Variants in XKR9 observed in about 807,000 individuals in gnomAD.
XKR9 encodes XK-related protein 9.
XKR9 carries 32 observed loss-of-function variants against 32.0 expected under a neutral mutation model. The observed-to-expected ratio is 1.00, with a 90% CI of 0.76 to 1.34. The LOEUF is 1.34. Among genes scored for constraint, XKR9 ranks in the 40% most tolerant of loss-of-function variants. The pLI is 0.00. For synonymous variants in XKR9, 168 were observed against 143.4 expected (o/e 1.17, Z -1.22); for missense variants, 546 against 429.7 (o/e 1.27, Z -2.39).
At chr8:70,725,982 G>T (rs1485569716) in intron 4 of XKR9, among the ~76,000 whole-genome samples, 1 of 151,978 alleles carries the variant, frequency 6.6e-6, no homozygotes, top group African/African-American at 2.4e-5. Context: ...ACTACAAATG[G>T]ATTTTACATT....
At chr8:70,900,977 A>G in the XKR9 span, among the ~76,000 whole-genome samples, 15 of 152,174 alleles carry the variant, frequency 9.9e-5, no homozygotes, top group African/African-American at 3.1e-4. Context: ...GTCCCTACGA[A>G]GGACATGAAC....
At chr8:70,706,582 TC>T (rs2132175785) in intron 3 of XKR9, among the ~76,000 whole-genome samples, 1 of 152,266 alleles carries the variant, frequency 6.6e-6, no homozygotes, top group East Asian at 1.9e-4. Context: ...CCCCTTACTA[TC>T]TGTGTAACTT....
the XKR9 span, among the ~76,000 whole-genome samples, chr8:70,904,562 G>C: frequency 6.6e-6 from 1 of 152,208 alleles, no homozygotes. Context: ...GATGGGTCTT[G>C]ACTCTTTATC....
In XKR9 at chr8:70,699,967, G is replaced by A. The variant is rs1393739624; in HGVS notation, c.273-6966G>A. Among the ~76,000 whole-genome samples the A allele has an allele frequency of 2.6e-5, 4 of 152,138 alleles. No homozygotes were observed. The East Asian group carries it at 7.7e-4, about 29-fold the overall frequency. ...ATCACTGATACCCTTTCTTCCAGTTGATCGCATCAGCTCCTGAGTCTTCTG... is the reference window on the plus strand; with the variant it reads ...ATCACTGATACCCTTTCTTCCAGTTAATCGCATCAGCTCCTGAGTCTTCTG... On this transcript the variant is annotated intron_variant, in intron 3 of 4. Transcript: ENST00000408926.
chr8:71,050,278 TAG>T, the XKR9 span, among the ~76,000 whole-genome samples: 15 of 136,182 alleles, frequency 1.1e-4, no homozygotes, highest in Middle Eastern at 3.6e-3. Flanking sequence ...TAGATAGATA[TAG>T]ATATAGATAT....
chr8:70,673,004 C>T (rs1818767250), intron 1 of XKR9, among the ~76,000 whole-genome samples: 1 of 152,168 alleles, frequency 6.6e-6, no homozygotes, highest in African/African-American at 2.4e-5. Flanking sequence ...TTCTTCTGTT[C>T]AGCAGATGTC....
the XKR9 span, among the ~76,000 whole-genome samples, chr8:70,877,075 G>T: frequency 5.3e-5 from 8 of 152,134 alleles, no homozygotes; most frequent in Non-Finnish European, 7.4e-5. Context: ...GGCTGGGGAG[G>T]CCTCAGGAAA....
At chr8:70,962,747 C>G in the XKR9 span, among the ~76,000 whole-genome samples, 6 of 152,176 alleles carry the variant, frequency 3.9e-5, no homozygotes, top group African/African-American at 1.2e-4. Context: ...AAGTCACACA[C>G]AGTGATAGCT....
the XKR9 span, among the ~76,000 whole-genome samples, chr8:70,888,198 A>G: frequency 1.3e-5 from 2 of 151,822 alleles, no homozygotes; most frequent in African/African-American, 4.8e-5. Context: ...TCTCTTAGTG[A>G]TGTTGAGCAT....
chr8:70,699,874 G>T (rs553036941), intron 3 of XKR9, among the ~76,000 whole-genome samples: 1 of 152,118 alleles, frequency 6.6e-6, no homozygotes, highest in Non-Finnish European at 1.5e-5. Context: ...TGGAGGCTTT[G>T]TTCGTTTCTT....
At chr8:70,690,263 C>G (rs1819463125) in intron 3 of XKR9, among the ~76,000 whole-genome samples, 1 of 152,108 alleles carries the variant, frequency 6.6e-6, no homozygotes, top group Non-Finnish European at 1.5e-5. Flanking sequence ...CTTCCACCCT[C>G]CCCCTCAAGT....
chr8:70,956,591 G>C, the XKR9 span, among the ~76,000 whole-genome samples: 1 of 152,100 alleles, frequency 6.6e-6, no homozygotes, highest in Non-Finnish European at 1.5e-5. Context: ...TGCTGTCCAT[G>C]GTGCCCAGGT....
At chr8:71,040,624 G>C in the XKR9 span, among the ~76,000 whole-genome samples, 3 of 151,972 alleles carry the variant, frequency 2.0e-5, no homozygotes, top group Admixed American at 1.3e-4. Context: ...TACTTTCTCC[G>C]TGAGTTAGTG....
intron 2 of XKR9, among the ~76,000 whole-genome samples, chr8:70,751,364 A>G (rs1053086458): frequency 6.6e-6 from 1 of 152,092 alleles, no homozygotes; most frequent in Admixed American, 6.6e-5. Flanking sequence ...CCTGACCTCA[A>G]GTGATCTACC....
chr8:70,855,888 G>A, the XKR9 span, among the ~76,000 whole-genome samples: 318 of 152,254 alleles, frequency 2.1e-3, 3 homozygotes, highest in East Asian at 0.018. Flanking sequence ...AGCTTCATAA[G>A]TGAAGGAGAA....
the XKR9 span, among the ~76,000 whole-genome samples, chr8:70,945,581 ATT>A: frequency 2.0e-5 from 3 of 150,660 alleles, no homozygotes; most frequent in African/African-American, 4.9e-5. Flanking sequence ...ACTAATCGCT[ATT>A]TTTTTTTTGA....
At chr8:71,016,857 A>G in the XKR9 span, among the ~76,000 whole-genome samples, 24 of 152,086 alleles carry the variant, frequency 1.6e-4, no homozygotes, top group African/African-American at 5.5e-4. Flanking sequence ...TTCTAGTCAT[A>G]CAACCATTGA....
chr8:71,023,514 G>A, the XKR9 span, among the ~76,000 whole-genome samples: 1 of 152,184 alleles, frequency 6.6e-6, no homozygotes, highest in Non-Finnish European at 1.5e-5. Context: ...GGCTGAGTGT[G>A]CCTATCTTTG....
At chr8:70,802,176 G>T in the XKR9 span, among the ~76,000 whole-genome samples, 1 of 151,592 alleles carries the variant, frequency 6.6e-6, no homozygotes, top group Admixed American at 6.6e-5. Context: ...GACCTCGTGA[G>T]CCGCCCGCCT....
Sources: gnomAD v4.1 joint callset for allele counts (sites outside exome capture counted in the v4.1 genomes callset) on GRCh38, gnomAD v4.1.1 for gene constraint, MANE v1.5 for transcripts, NCBI Gene and HGNC (gene_info 2026-07-23, HGNC 2026-07-21) for gene names.